The following STXBP5L variants were observed in gnomAD, a reference collection of about 807,000 sequenced individuals.
STXBP5L encodes syntaxin binding protein 5L, also known as syntaxin-binding protein 5-like.
A neutral mutation model predicts 144.5 loss-of-function variants in STXBP5L; 65 were observed. That is an observed-to-expected ratio of 0.45 (90% CI 0.37 to 0.55). The LOEUF (loss-of-function observed/expected upper bound fraction) is 0.55. Among genes scored for constraint, STXBP5L ranks in the 20% least tolerant of loss-of-function variants. STXBP5L has a pLI of 0.00. For missense variants in STXBP5L, 1,298 were observed against 1,405.5 expected (o/e 0.92, Z 1.22); for synonymous variants, 505 against 469.6 (o/e 1.08, Z -0.97).
intron 9 of STXBP5L, among the ~76,000 whole-genome samples, chr3:121,190,035 C>A (rs1007530781): frequency 1.1e-4 from 17 of 150,872 alleles, no homozygotes; most frequent in Non-Finnish European, 2.2e-4. Context: ...TTTTAATAAG[C>A]TTTGGTTTTT....
At chr3:120,994,612 T>C (rs985051035) in intron 3 of STXBP5L, among the ~76,000 whole-genome samples, 1 of 152,170 alleles carries the variant, frequency 6.6e-6, no homozygotes, top group Non-Finnish European at 1.5e-5. Flanking sequence ...TGAAGTACCC[T>C]TGCCTCTCTG....
In STXBP5L at chr3:121,219,376, C is replaced by A. The variant is rs111261100; in HGVS notation, c.957-3627C>A. 2.5e-3 allele frequency among the ~76,000 whole-genome samples: 379 copies of A among 151,922 alleles called. 2 individuals are homozygous for A. Among genetic ancestry groups the A allele is most frequent in the African/African-American group, 8.6e-3 (356 of 41,310 alleles). On this transcript the variant is annotated intron_variant, in intron 10 of 26. Transcript: ENST00000471454. ...ACAGGAACCTTAGGAAGAGCTCTAC[C>A]ATATAAGCTGCAGCAGTAGGGTCTC... is the stretch of plus-strand genomic sequence containing the variant.
chr3:121,380,668 CTT>C (rs1288810268), intron 21 of STXBP5L, among the ~76,000 whole-genome samples: 1 of 151,948 alleles, frequency 6.6e-6, no homozygotes, highest in Non-Finnish European at 1.5e-5. Context: ...AGTCTGTACT[CTT>C]TGTTTAGCCC....
chr3:121,020,742 A>G (rs1945491612), intron 3 of STXBP5L, among the ~76,000 whole-genome samples: 1 of 152,088 alleles, frequency 6.6e-6, no homozygotes, highest in Non-Finnish European at 1.5e-5. Context: ...AGCCAGCACC[A>G]CAAGAACTGC....
chr3:121,013,633 TTGA>T (rs777793712), intron 3 of STXBP5L, among the ~76,000 whole-genome samples: 13 of 152,014 alleles, frequency 8.6e-5, no homozygotes, highest in Non-Finnish European at 1.5e-4. Context: ...GTTTACTCTG[TTGA>T]TAGTTTCTTT....
At chr3:121,018,524 A>AG (rs1945305102) in intron 3 of STXBP5L, among the ~76,000 whole-genome samples, 1 of 21,880 alleles carries the variant, frequency 4.6e-5, no homozygotes, top group Non-Finnish European at 1.1e-4. Context: ...TCCATATACC[A>AG]AAAAAAAAAA....
intron 20 of STXBP5L, chr3:121,324,583 C>T: frequency 1.5e-6 from 1 of 684,268 alleles, no homozygotes; most frequent in South Asian, 1.6e-5. Context: ...TATCACTTGC[C>T]AGGTGAAGAT....
chr3:121,277,707 C>A (rs555619430), intron 18 of STXBP5L, among the ~76,000 whole-genome samples: 4 of 151,288 alleles, frequency 2.6e-5, no homozygotes, highest in African/African-American at 9.7e-5. Flanking sequence ...GTGAATTTTA[C>A]GTTTTTGGTG....
At chr3:121,417,296 C>T (rs2047261034) in intron 25 of STXBP5L, among the ~76,000 whole-genome samples, 1 of 151,988 alleles carries the variant, frequency 6.6e-6, no homozygotes, top group South Asian at 2.1e-4. Context: ...GAATTTTGCA[C>T]TTTAAATGGA....
intron 19 of STXBP5L, among the ~76,000 whole-genome samples, chr3:121,302,932 A>G (rs2051980430): frequency 6.6e-6 from 1 of 152,230 alleles, no homozygotes; most frequent in African/African-American, 2.4e-5. Context: ...AAAACCCTAG[A>G]AGAAAACCTA....
At chr3:121,070,818 GA>G (rs2041776949) in intron 5 of STXBP5L, among the ~76,000 whole-genome samples, 1 of 152,172 alleles carries the variant, frequency 6.6e-6, no homozygotes, top group Non-Finnish European at 1.5e-5. Flanking sequence ...GCGAGTACGG[GA>G]ATACTTCTGT....
intron 11 of STXBP5L, among the ~76,000 whole-genome samples, chr3:121,227,027 A>G (rs2049143333): frequency 6.6e-6 from 1 of 152,210 alleles, no homozygotes; most frequent in African/African-American, 2.4e-5. Flanking sequence ...TCCCAATTGT[A>G]TCCTGCTTTC....
chr3:121,330,880 T>A (rs1452488718), intron 20 of STXBP5L, among the ~76,000 whole-genome samples: 1 of 152,206 alleles, frequency 6.6e-6, no homozygotes, highest in Non-Finnish European at 1.5e-5. Flanking sequence ...AGCCTATTTA[T>A]AACCAAGGAA....
chr3:121,223,728 G>C (rs1470585352), intron 11 of STXBP5L, among the ~76,000 whole-genome samples: 2 of 152,120 alleles, frequency 1.3e-5, no homozygotes, highest in Non-Finnish European at 1.5e-5. Context: ...TGAATATAAA[G>C]ACTTTTTGTA....
At chr3:120,936,268 T>G (rs1456553542) in intron 2 of STXBP5L, among the ~76,000 whole-genome samples, 1 of 152,176 alleles carries the variant, frequency 6.6e-6, no homozygotes, top group East Asian at 1.9e-4. Context: ...TCCACTGTTT[T>G]TTATAAAGCC....
At chr3:120,934,199 T>G (rs1175210114) in intron 2 of STXBP5L, among the ~76,000 whole-genome samples, 9 of 151,896 alleles carry the variant, frequency 5.9e-5, no homozygotes, top group Admixed American at 5.9e-4. Context: ...TAAATTGTCT[T>G]GAGGCATGTT....
chr3:121,120,544 T>C (rs545101338), intron 6 of STXBP5L, among the ~76,000 whole-genome samples: 47 of 151,384 alleles, frequency 3.1e-4, no homozygotes, highest in African/African-American at 1.1e-3. Context: ...TGCACAATTA[T>C]TCAGTAAGGT....
intron 14 of STXBP5L, among the ~76,000 whole-genome samples, chr3:121,247,563 C>T (rs1169093782): frequency 6.6e-6 from 1 of 152,126 alleles, no homozygotes; most frequent in Non-Finnish European, 1.5e-5. Context: ...TATGTGAGAA[C>T]ATGTGGTATT....
At chr3:121,230,346 A>G (rs1177514485) in intron 11 of STXBP5L, among the ~76,000 whole-genome samples, 1 of 151,798 alleles carries the variant, frequency 6.6e-6, no homozygotes, top group Non-Finnish European at 1.5e-5. Context: ...GTGAACTTGA[A>G]AAGTGCCTGG....
Sources: gnomAD v4.1 joint callset for allele counts (sites outside exome capture counted in the v4.1 genomes callset) on GRCh38, gnomAD v4.1.1 for gene constraint, MANE v1.5 for transcripts, NCBI Gene and HGNC (gene_info 2026-07-23, HGNC 2026-07-21) for gene names.